WDR70: variants seen among roughly 807,000 people sequenced by gnomAD.
WDR70 encodes the protein WD repeat-containing protein 70.
In WDR70, 53 loss-of-function variants were observed where a neutral mutation model predicts 88.6. The observed-to-expected ratio is 0.60, with a 90% CI of 0.48 to 0.75. The LOEUF is 0.75. Among genes scored for constraint, WDR70 ranks in the 30% least tolerant of loss-of-function variants. WDR70 has a pLI of 0.00. For missense variants in WDR70, 610 were observed against 823.2 expected (o/e 0.74, Z 3.17); for synonymous variants, 280 against 270.0 (o/e 1.04, Z -0.36).
Position 37,516,547 on chromosome 5 carries a change from C to A in WDR70, c.874C>A (p.His292Asn). 6.2e-7 allele frequency: 1 copy of A among 1,606,128 alleles called. No homozygotes were observed. Among genetic ancestry groups the A allele is most frequent in the Non-Finnish European group, 8.5e-7 (1 of 1,174,856 alleles). ...HTAMLHTGSW[H>N]PKIKGEFMTC... ...AGCAATGCTTCATACTGGCTCATGG[C>A]ATCCCAAAATAAAGGGAGAATTTAT... Residue 292 changes from histidine to asparagine, a missense_variant, in exon 9 of 18, where the codon CAT becomes AAT. His to Asn is a moderately conservative substitution (Grantham distance 68, BLOSUM62 1). Around this residue, in one of 4 missense-constraint regions of WDR70, gnomAD observed 83 missense variants for 155.3 expected, o/e 0.53. Coordinates refer to ENST00000265107, the MANE Select transcript of WDR70 (RefSeq NM_018034.4).
At chr5:37,381,715 T>TTA in intron 3 of WDR70, 30 bp downstream of exon 3, 3 of 1,594,406 alleles carry the variant, frequency 1.9e-6, no homozygotes, top group Non-Finnish European at 2.6e-6. Flanking sequence ...GTTCTTTTAT[T>TTA]GGTTTAAGTA....
rs532343770 is a variant in WDR70, at chr5:37,703,146, C to G, written c.1416+59C>G. 3.8e-6 allele frequency: 6 copies of G among 1,569,926 alleles called. No individual in the cohort carries two copies. The South Asian group carries it at 6.9e-5, about 18-fold the overall frequency. ...TACATAAAGTTTGCCTCTTACCCAT[C>G]TTTTGGTTTTGTTTGTTAAGTAGAA... On this transcript the variant is annotated intron_variant, in intron 13 of 17. Transcript: ENST00000265107.
At chr5:37,563,308 C>T (rs1175658839) in intron 9 of WDR70, among the ~76,000 whole-genome samples, 1 of 61,048 alleles carries the variant, frequency 1.6e-5, no homozygotes, top group African/African-American at 5.1e-5. Flanking sequence ...GGGGGCTGGC[C>T]CCCCACCTCC....
At chr5:37,577,048 G>C (rs1193109154) in intron 9 of WDR70, among the ~76,000 whole-genome samples, 3 of 152,058 alleles carry the variant, frequency 2.0e-5, no homozygotes, top group Non-Finnish European at 4.4e-5. Flanking sequence ...CTTATCATCT[G>C]ATCAGATATT....
chr5:37,400,238 T>A (rs1475676916), intron 5 of WDR70, among the ~76,000 whole-genome samples: 1 of 152,158 alleles, frequency 6.6e-6, no homozygotes, highest in African/African-American at 2.4e-5. Flanking sequence ...CTGGCCAGAA[T>A]ACAGTGTTTA....
chr5:37,718,246 G>T (rs1192428458), intron 13 of WDR70, among the ~76,000 whole-genome samples: 1 of 152,176 alleles, frequency 6.6e-6, no homozygotes, highest in Non-Finnish European at 1.5e-5. Context: ...TTGGACCTTG[G>T]TCTGTTGGCT....
chr5:37,427,250 G>T (rs1404772642), intron 5 of WDR70, among the ~76,000 whole-genome samples: 1 of 152,078 alleles, frequency 6.6e-6, no homozygotes, highest in Non-Finnish European at 1.5e-5. Context: ...TTAGCTGGGC[G>T]TGGTGGCGGG....
intron 10 of WDR70, among the ~76,000 whole-genome samples, chr5:37,665,039 C>T (rs542176557): frequency 1.3e-5 from 2 of 152,228 alleles, no homozygotes; most frequent in South Asian, 4.1e-4. Flanking sequence ...TCAAGTGTAC[C>T]AGCTCATCCA....
At chr5:37,628,704 A>G (rs758356243) in intron 10 of WDR70, among the ~76,000 whole-genome samples, 2 of 152,152 alleles carry the variant, frequency 1.3e-5, no homozygotes, top group Non-Finnish European at 2.9e-5. Flanking sequence ...AAGATTATTG[A>G]TAGGTGAGGA....
intron 9 of WDR70, among the ~76,000 whole-genome samples, chr5:37,519,206 G>A (rs1032346646): frequency 2.0e-5 from 3 of 152,200 alleles, no homozygotes; most frequent in African/African-American, 2.4e-5. Flanking sequence ...CTGTCTCTTC[G>A]GAGCTGTTGG....
chr5:37,593,749 A>C (rs1419692183), intron 9 of WDR70, among the ~76,000 whole-genome samples: 1 of 152,186 alleles, frequency 6.6e-6, no homozygotes, highest in Non-Finnish European at 1.5e-5. Flanking sequence ...TGGTTGAACT[A>C]GTTTACGGTC....
At chr5:37,408,762 T>TTG (rs778618564) in intron 5 of WDR70, among the ~76,000 whole-genome samples, 4 of 151,830 alleles carry the variant, frequency 2.6e-5, no homozygotes, top group Non-Finnish European at 4.4e-5. Flanking sequence ...TTCTTTAATA[T>TTG]TGTGTGTGTG....
intron 10 of WDR70, among the ~76,000 whole-genome samples, chr5:37,679,102 T>C (rs1005814541): frequency 2.0e-5 from 3 of 152,064 alleles, no homozygotes; most frequent in Non-Finnish European, 2.9e-5. Context: ...TAAGCACTTC[T>C]CTGTATTGGT....
chr5:37,728,031 C>T (rs192220719), intron 17 of WDR70, among the ~76,000 whole-genome samples: 1 of 152,142 alleles, frequency 6.6e-6, no homozygotes, highest in East Asian at 1.9e-4. Flanking sequence ...ATTATCAAAA[C>T]TATAAAACTA....
intron 8 of WDR70, among the ~76,000 whole-genome samples, chr5:37,509,380 A>C (rs1483235589): frequency 1.3e-5 from 2 of 151,942 alleles, no homozygotes; most frequent in Non-Finnish European, 2.9e-5. Flanking sequence ...CAAGTATTTG[A>C]GACTTTTTTC....
intron 10 of WDR70, among the ~76,000 whole-genome samples, chr5:37,625,060 C>T (rs1326573789): frequency 6.6e-6 from 1 of 152,146 alleles, no homozygotes; most frequent in Non-Finnish European, 1.5e-5. Flanking sequence ...ACCAGGGCTT[C>T]TAGTTTCTAT....
intron 9 of WDR70, among the ~76,000 whole-genome samples, chr5:37,585,141 C>A (rs959970742): frequency 6.6e-6 from 1 of 151,722 alleles, no homozygotes; most frequent in Non-Finnish European, 1.5e-5. Context: ...CAGGTGCACA[C>A]CACCACGCCT....
chr5:37,427,716 G>A (rs1334595118), intron 5 of WDR70, among the ~76,000 whole-genome samples: 1 of 151,812 alleles, frequency 6.6e-6, no homozygotes, highest in East Asian at 1.9e-4. Flanking sequence ...ATGAAACTCC[G>A]TCTCTGCTAA....
intron 5 of WDR70, among the ~76,000 whole-genome samples, chr5:37,399,706 A>G (rs1749138077): frequency 6.6e-6 from 1 of 151,994 alleles, no homozygotes; most frequent in Non-Finnish European, 1.5e-5. Context: ...TGTCTTTATA[A>G]TCTTTGTTTA....
Sources: gnomAD v4.1 joint callset for allele counts (sites outside exome capture counted in the v4.1 genomes callset) on GRCh38, gnomAD v4.1.1 for gene constraint, gnomAD v4.1.1 regional missense constraint, MANE v1.5 for transcripts, NCBI Gene and HGNC (gene_info 2026-07-23, HGNC 2026-07-21) for gene names.